Variants in ITIH5 observed in about 807,000 individuals in gnomAD.
ITIH5 encodes inter-alpha-trypsin inhibitor heavy chain 5.
Under a neutral mutation model 77.5 loss-of-function variants are expected in ITIH5, and 65 were observed. The observed-to-expected ratio is 0.84, with a 90% confidence interval of 0.69 to 1.03. ITIH5 has a LOEUF of 1.03. ITIH5 is among the 50% of genes least tolerant of loss of function. ITIH5 has a pLI of 0.00. For synonymous variants in ITIH5, 525 were observed against 494.3 expected, an observed-to-expected ratio of 1.06 and a Z score of -0.82; for missense variants, 1,208 against 1,213.1, an observed-to-expected ratio of 1.00 and a Z score of 0.06.
At chr10:7,596,194 A>G (rs1280975541) in intron 7 of ITIH5, among the ~76,000 whole-genome samples, 2 of 152,138 alleles carry the variant, frequency 1.3e-5, no homozygotes, top group Non-Finnish European at 2.9e-5. Context: ...GAAACAAGAG[A>G]TAGGGTCTTC....
At chr10:7,635,504 C>T (rs370528850) in intron 5 of ITIH5, among the ~76,000 whole-genome samples, 379 of 152,232 alleles carry the variant, frequency 2.5e-3, no homozygotes, top group African/African-American at 8.6e-3. Flanking sequence ...ATGCCAGGTA[C>T]CTTGACAATA....
intron 9 of ITIH5, 120 bp downstream of exon 9, chr10:7,579,635 T>C (rs1415556715): frequency 9.2e-6 from 9 of 976,210 alleles, no homozygotes; most frequent in Admixed American, 3.9e-5. Flanking sequence ...CAATGAGCTA[T>C]GATCGTTGTC....
rs569127015 is a variant in ITIH5 at position 7,660,240 on chromosome 10, T to G, written c.91-4565A>C. On this transcript the variant is annotated intron_variant, in intron 1 of 13. Transcript: ENST00000397146. ...TGAGTTTTATAAGTTACAAAAGAAA[T>G]AGATGAAAGAAGAGATCACTATGCT... Among the ~76,000 whole-genome samples the G allele has an allele frequency of 6.6e-5, 10 of 152,126 alleles. No homozygotes were observed. In the South Asian group the frequency reaches 1.9e-3, roughly 28 times the overall value.
chr10:7,664,203 C>A (rs1834323711), intron 1 of ITIH5, among the ~76,000 whole-genome samples: 1 of 152,006 alleles, frequency 6.6e-6, no homozygotes, highest in South Asian at 2.1e-4. Flanking sequence ...AGTTTGAGAC[C>A]AGCCTGGCCA....
chr10:7,655,677 T>C lies in ITIH5; in HGVS notation c.91-2A>G. 4 of 1,610,106 alleles carry C rather than the reference T, an allele frequency of 2.5e-6. No individual in the cohort carries two copies. The highest frequency in any genetic ancestry group is 3.4e-6 in the Non-Finnish European group (4 of 1,176,546). On this transcript the variant is annotated splice_acceptor_variant, in intron 1 of 13. Coordinates refer to ENST00000397146, the MANE Select transcript of ITIH5 (RefSeq NM_030569.7). LOFTEE classifies it high-confidence loss of function. ...TTGCCTCGGGACCCTGAGTCCATCC[T>C]AGAAAAGAGAAGAGACTGTTAAAAA... is the stretch of plus-strand genomic sequence containing the variant.
chr10:7,639,367 G>A (rs952546734), intron 4 of ITIH5, among the ~76,000 whole-genome samples: 6 of 152,286 alleles, frequency 3.9e-5, no homozygotes, highest in South Asian at 2.1e-4. Context: ...TAGAAACTAC[G>A]ACATTAAGAT....
intron 7 of ITIH5, among the ~76,000 whole-genome samples, chr10:7,586,893 C>A (rs148362497): frequency 6.6e-6 from 1 of 151,918 alleles, no homozygotes; most frequent in Admixed American, 6.6e-5. Context: ...TGCAGTGGCG[C>A]GATCTCAGCT....
chr10:7,565,038 T>C (rs1832115274), intron 13 of ITIH5, among the ~76,000 whole-genome samples: 2 of 139,782 alleles, frequency 1.4e-5, no homozygotes, highest in Admixed American at 7.5e-5. Context: ...ACATAGACTG[T>C]ATATATATAT....
intron 7 of ITIH5, among the ~76,000 whole-genome samples, chr10:7,610,142 G>T (rs577826114): frequency 3.0e-5 from 4 of 134,676 alleles, no homozygotes; most frequent in African/African-American, 1.1e-4. Flanking sequence ...CTGGGAGGTA[G>T]AAACCCTGCC....
chr10:7,563,974 G>C (rs1469682558), intron 13 of ITIH5, among the ~76,000 whole-genome samples: 1 of 152,282 alleles, frequency 6.6e-6, no homozygotes, highest in Non-Finnish European at 1.5e-5. Flanking sequence ...ACTGAACCCT[G>C]ACAATGGCTT....
intron 9 of ITIH5, among the ~76,000 whole-genome samples, chr10:7,577,681 G>C (rs1832453517): frequency 6.6e-6 from 1 of 152,218 alleles, no homozygotes; most frequent in Admixed American, 6.5e-5. Flanking sequence ...TGCTAAGTAA[G>C]GAGACAATTA....
intron 7 of ITIH5, among the ~76,000 whole-genome samples, chr10:7,590,438 CCACTA>C (rs1288990869): frequency 6.6e-6 from 1 of 152,192 alleles, no homozygotes; most frequent in Admixed American, 6.5e-5. Flanking sequence ...CTAGAGACAA[CCACTA>C]CTAAAATGCT....
intron 5 of ITIH5, among the ~76,000 whole-genome samples, chr10:7,632,842 G>A (rs118102182): frequency 1.3e-5 from 2 of 152,232 alleles, no homozygotes; most frequent in African/African-American, 2.4e-5. Flanking sequence ...CTCACTTGAT[G>A]TTTCTCATTT....
At chr10:7,642,541 C>CAATG (rs1162571842) in intron 2 of ITIH5, among the ~76,000 whole-genome samples, 1 of 152,134 alleles carries the variant, frequency 6.6e-6, no homozygotes, top group Non-Finnish European at 1.5e-5. Context: ...AAATTACTTT[C>CAATG]AATGTCCACT....
intron 8 of ITIH5, among the ~76,000 whole-genome samples, chr10:7,582,077 A>T (rs113831498): frequency 6.6e-6 from 1 of 151,602 alleles, no homozygotes; most frequent in Admixed American, 6.6e-5. Flanking sequence ...GGGTTTCACC[A>T]TGTTGGCCAG....
intron 5 of ITIH5, among the ~76,000 whole-genome samples, chr10:7,636,805 G>A (rs977022925): frequency 1.3e-5 from 2 of 152,056 alleles, no homozygotes; most frequent in East Asian, 3.9e-4. Flanking sequence ...TGTAATCCCA[G>A]CACTTTGGGA....
intron 5 of ITIH5, among the ~76,000 whole-genome samples, chr10:7,628,376 T>C (rs907875679): frequency 6.6e-6 from 1 of 152,380 alleles, no homozygotes; most frequent in African/African-American, 2.4e-5. Context: ...ATCATACACA[T>C]GTGACCTTTT....
At position 7,654,162 on chromosome 10, in the gene ITIH5, C is replaced by T. The variant is rs568093785; in HGVS notation, c.135+1469G>A. Among the ~76,000 whole-genome samples, 181 of 152,162 alleles carry T rather than the reference C, an allele frequency of 1.2e-3. 2 individuals are homozygous for T. In the South Asian group the frequency reaches 0.014, roughly 12 times the overall value. On this transcript the variant is annotated intron_variant, in intron 2 of 13. Coordinates refer to ENST00000397146, the MANE Select transcript of ITIH5 (RefSeq NM_030569.7). ...ACAAGAGTGAGACTCTGTAAGCATT[C>T]GGTTGACATGAGCCGTCACATGCAC...
intron 7 of ITIH5, among the ~76,000 whole-genome samples, chr10:7,590,122 G>A (rs375711984): frequency 6.6e-6 from 1 of 152,188 alleles, no homozygotes; most frequent in East Asian, 1.9e-4. Context: ...TGTCCCACAG[G>A]TAGCTCAGAC....
Sources: gnomAD v4.1 joint callset for allele counts (sites outside exome capture counted in the v4.1 genomes callset) on GRCh38, gnomAD v4.1.1 for gene constraint, MANE v1.5 for transcripts, NCBI Gene and HGNC (gene_info 2026-07-23, HGNC 2026-07-21) for gene names.